CLEC2A: variants seen among roughly 807,000 people sequenced by gnomAD.
CLEC2A encodes C-type lectin domain family 2 member A.
Under a neutral mutation model 18.6 loss-of-function variants are expected in CLEC2A, and 19 were observed. The ratio of observed to expected loss-of-function variants is 1.02; its 90% CI spans 0.71 to 1.50. CLEC2A has a LOEUF of 1.50. Ranked by LOEUF, CLEC2A falls within the 40% of genes most tolerant of loss-of-function variation. The probability of loss-of-function intolerance (pLI) is 0.00; values close to 1 mark genes in which losing one functional copy is unlikely to be tolerated. For synonymous variants in CLEC2A, 74 were observed against 64.0 expected, an observed-to-expected ratio of 1.16 and a Z score of -0.75; for missense variants, 190 against 207.9, an observed-to-expected ratio of 0.91 and a Z score of 0.53.
chr12:9,881,499 T>C, the CLEC2A span: 1 of 883,890 alleles, frequency 1.1e-6, no homozygotes, highest in African/African-American at 1.7e-5. Flanking sequence ...AGTTTTCTTT[T>C]AGTACCTTGT....
At chr12:9,915,645 T>C (rs537261934) in intron 4 of CLEC2A, among the ~76,000 whole-genome samples, 82 of 151,808 alleles carry the variant, frequency 5.4e-4, no homozygotes, top group African/African-American at 1.8e-3. Flanking sequence ...TAAGTGAGAG[T>C]TGAACAGTGA....
At chr12:9,891,602 A>T in the CLEC2A span, among the ~76,000 whole-genome samples, 1 of 152,222 alleles carries the variant, frequency 6.6e-6, no homozygotes, top group South Asian at 2.1e-4. Context: ...AGGTCATTTT[A>T]TACCTTTTAG....
chr12:9,881,296 G>T, the CLEC2A span, among the ~76,000 whole-genome samples: 1 of 152,034 alleles, frequency 6.6e-6, no homozygotes, highest in African/African-American at 2.4e-5. Context: ...CTAATACACC[G>T]CACACAAGTG....
chr12:9,922,267 A>G (rs1227251185), intron 2 of CLEC2A, 35 bp from the exon 3 acceptor site: 3 of 1,479,292 alleles, frequency 2.0e-6, no homozygotes, highest in East Asian at 2.5e-5. Context: ...CAGATAAAGC[A>G]TATGTTAAAA....
At chr12:9,882,854 G>A in the CLEC2A span, among the ~76,000 whole-genome samples, 219 of 152,260 alleles carry the variant, frequency 1.4e-3, 3 homozygotes, top group Non-Finnish European at 2.5e-3. Context: ...GAAGCTTTTA[G>A]CCTTCTTAAA....
downstream of CLEC2A, chr12:9,895,626 A>C (rs1862747657): frequency 1.5e-5 from 22 of 1,420,762 alleles, no homozygotes; most frequent in South Asian, 2.7e-4. Context: ...GCTGGAGAAA[A>C]CTTTAAAAGA....
chr12:9,912,435 T>C (rs768737655), downstream of CLEC2A, among the ~76,000 whole-genome samples: 1 of 152,072 alleles, frequency 6.6e-6, no homozygotes, highest in Non-Finnish European at 1.5e-5. Context: ...TGGGGGCATG[T>C]TTCCCCCACC....
At chr12:9,879,001 A>G in the CLEC2A span, among the ~76,000 whole-genome samples, 2 of 152,180 alleles carry the variant, frequency 1.3e-5, no homozygotes, top group Admixed American at 1.3e-4. Context: ...CAGCGGAATC[A>G]GGCTTTCTGA....
At chr12:9,880,519 CAT>C in the CLEC2A span, among the ~76,000 whole-genome samples, 5 of 142,282 alleles carry the variant, frequency 3.5e-5, no homozygotes, top group African/African-American at 1.4e-4. Flanking sequence ...GAACCATTAG[CAT>C]GTGTGTGTGT....
chr12:9,908,728 T>A (rs1372489712), downstream of CLEC2A, among the ~76,000 whole-genome samples: 1 of 152,150 alleles, frequency 6.6e-6, no homozygotes, highest in African/African-American at 2.4e-5. Context: ...ATTTAAAACA[T>A]CTATTCTGTC....
chr12:9,885,333 GTA>G, the CLEC2A span, among the ~76,000 whole-genome samples: 115,402 of 149,220 alleles, frequency 0.77, 44,529 homozygotes, highest in South Asian at 0.85. Flanking sequence ...CATTATTTAA[GTA>G]TATATATATA....
intron 4 of CLEC2A, among the ~76,000 whole-genome samples, chr12:9,899,764 A>G (rs1451569687): frequency 6.6e-6 from 1 of 152,192 alleles, no homozygotes; most frequent in Non-Finnish European, 1.5e-5. Flanking sequence ...ATGGATATCA[A>G]TGTGGCCTTT....
At chr12:9,917,597 T>C (rs1317892767) in intron 3 of CLEC2A, among the ~76,000 whole-genome samples, 3 of 152,102 alleles carry the variant, frequency 2.0e-5, no homozygotes, top group Non-Finnish European at 2.9e-5. Context: ...AATTAACTCA[T>C]CCATAACAAA....
At chr12:9,897,685 C>T (rs982162792), downstream of CLEC2A, among the ~76,000 whole-genome samples, 2 of 152,076 alleles carry the variant, frequency 1.3e-5, no homozygotes, top group Non-Finnish European at 2.9e-5. Context: ...TTTGAATTCT[C>T]GGTGGCTCTA....
At chr12:9,903,796 C>A (rs1591784860) in intron 4 of CLEC2A, among the ~76,000 whole-genome samples, 1 of 152,104 alleles carries the variant, frequency 6.6e-6, no homozygotes, top group South Asian at 2.1e-4. Context: ...TCAAACCCAG[C>A]AATTATTTGA....
downstream of CLEC2A, among the ~76,000 whole-genome samples, chr12:9,894,240 G>A (rs1272428967): frequency 6.7e-6 from 1 of 149,806 alleles, no homozygotes; most frequent in Non-Finnish European, 1.5e-5. Flanking sequence ...GGAGTGCAGT[G>A]GCATGATCGT....
intron 4 of CLEC2A, among the ~76,000 whole-genome samples, chr12:9,905,993 G>A (rs1862901593): frequency 1.3e-5 from 2 of 149,938 alleles, no homozygotes; most frequent in Admixed American, 6.6e-5. Context: ...TCCCCCAAGT[G>A]GTGATTTTCT....
chr12:9,881,731 T>C, the CLEC2A span: 292 of 1,155,274 alleles, frequency 2.5e-4, 3 homozygotes, highest in African/African-American at 3.8e-3. Flanking sequence ...AGAATTATCT[T>C]AGAATATTTT....
At chr12:9,898,807 C>A in exon 5 of CLEC2A, 2 of 609,360 alleles carry the variant, frequency 3.3e-6, no homozygotes, top group South Asian at 1.9e-5. Flanking sequence ...ATCTAACTGC[C>A]GTTATATTAA....
Sources: gnomAD v4.1 joint callset for allele counts (sites outside exome capture counted in the v4.1 genomes callset) on GRCh38, gnomAD v4.1.1 for gene constraint, MANE v1.5 for transcripts, NCBI Gene and HGNC (gene_info 2026-07-23, HGNC 2026-07-21) for gene names.